The following DNAH11 variants were observed in gnomAD, a reference collection of about 807,000 sequenced individuals.
DNAH11 encodes axonemal beta dynein heavy chain 11.
DNAH11 carries 442 observed loss-of-function variants against 526.0 expected under a neutral mutation model. The ratio of observed to expected loss-of-function variants is 0.84; its 90% confidence interval spans 0.78 to 0.91. The LOEUF is 0.91. DNAH11 is among the 40% of genes least tolerant of loss of function. The pLI is 0.00. For missense variants in DNAH11, 6,989 were observed against 5,448.7 expected, an observed-to-expected ratio of 1.28 and a Z score of -8.90; for synonymous variants, 2,461 against 1,935.9, an observed-to-expected ratio of 1.27 and a Z score of -7.12.
intron 6 of DNAH11, among the ~76,000 whole-genome samples, chr7:21,568,893 C>G (rs1163147955): frequency 6.6e-6 from 1 of 152,122 alleles, no homozygotes; most frequent in African/African-American, 2.4e-5. Flanking sequence ...ATCAAAGTGT[C>G]AACTCTTTTA....
chr7:21,582,921 C>T (rs969741251), intron 9 of DNAH11, among the ~76,000 whole-genome samples: 11 of 152,160 alleles, frequency 7.2e-5, no homozygotes, highest in South Asian at 2.1e-4. Context: ...AAGACACCGG[C>T]GTTCTCTGGC....
At chr7:21,771,763 C>T (rs1043388834) in intron 55 of DNAH11, among the ~76,000 whole-genome samples, 3 of 152,092 alleles carry the variant, frequency 2.0e-5, no homozygotes, top group Non-Finnish European at 4.4e-5. Flanking sequence ...CCCCTCACGT[C>T]TCTCAAAGTG....
chr7:21,779,032 G>A lies in DNAH11; in HGVS notation c.9411G>A (p.Leu3137=), dbSNP rs775668376. Residue 3137 remains leucine (L), a synonymous_variant, in exon 57 of 82, where the codon CTG becomes CTA. Transcript: ENST00000409508. ...TGAGAAATCATGATGCCGAAGCTCT[G>A]ATCACAAAGATCGGCCTTCAGACGG... ...LQLRNHDAEA[L]ITKIGLQTEK... 6.2e-7 allele frequency: 1 copy of A among 1,613,464 alleles called. No homozygotes were observed. The highest frequency in any genetic ancestry group is 2.2e-5 in the East Asian group (1 of 44,816).
intron 30 of DNAH11, among the ~76,000 whole-genome samples, chr7:21,669,169 A>T (rs1782537449): frequency 6.6e-6 from 1 of 152,078 alleles, no homozygotes; most frequent in Non-Finnish European, 1.5e-5. Flanking sequence ...CCATTTTCAA[A>T]CAGTTGGGTG....
chr7:21,726,376 A>C (rs781399969), intron 45 of DNAH11, among the ~76,000 whole-genome samples: 2 of 152,140 alleles, frequency 1.3e-5, no homozygotes, highest in Non-Finnish European at 2.9e-5. Context: ...TGTGGATTAC[A>C]ATTCAACATG....
At chr7:21,892,335 T>C in intron 76 of DNAH11, 90 bp from the exon 77 acceptor site, 1 of 1,519,890 alleles carries the variant, frequency 6.6e-7, no homozygotes, top group East Asian at 2.3e-5. Context: ...TGCTGGAGCC[T>C]TCTTGTCAGG....
chr7:21,852,427 C>G, intron 66 of DNAH11, 40 bp from the exon 67 acceptor site: 3 of 1,129,514 alleles, frequency 2.7e-6, no homozygotes, highest in Non-Finnish European at 3.8e-6. Context: ...AAAAAAAGTA[C>G]TTAACCACCA....
At chr7:21,850,334 C>A (rs945216019) in intron 66 of DNAH11, among the ~76,000 whole-genome samples, 3 of 133,330 alleles carry the variant, frequency 2.3e-5, no homozygotes, top group Non-Finnish European at 4.7e-5. Flanking sequence ...CCAGCCTGGG[C>A]GACAGAGGAG....
chr7:21,800,213 T>A (rs1334802826), intron 61 of DNAH11, among the ~76,000 whole-genome samples: 1 of 152,166 alleles, frequency 6.6e-6, no homozygotes, highest in Non-Finnish European at 1.5e-5. Flanking sequence ...TTTCTCTGGT[T>A]TTTTCTGTGC....
chr7:21,600,926 A>T lies in DNAH11; in HGVS notation c.3251A>T (p.Glu1084Val). ...CCACCAACTCTTGAGCAATTCAAAG[A>T]ACAGGCAAGGAAAACCCTTAGCATT... ...EQPPTLEQFK[E>V]QIDIYEALYV... The change falls in exon 16 of 82, where the codon GAA becomes GTA. Residue 1084 changes from glutamate (E) to valine (V), a missense_variant. Glu to Val is a moderately radical substitution (Grantham distance 121, BLOSUM62 -2). Coordinates refer to ENST00000409508, the MANE Select transcript of DNAH11 (RefSeq NM_001277115.2). 6.2e-7 allele frequency: 1 copy of T among 1,613,630 alleles called. No homozygotes were observed. Among genetic ancestry groups the T allele is most frequent in the Non-Finnish European group, 8.5e-7 (1 of 1,179,694 alleles).
At chr7:21,741,565 C>T (rs901335601) in intron 48 of DNAH11, among the ~76,000 whole-genome samples, 3 of 152,182 alleles carry the variant, frequency 2.0e-5, no homozygotes, top group African/African-American at 7.2e-5. Context: ...CTGGGCTCAT[C>T]TGTGCATGTT....
chr7:21,865,214 C>G (rs1783226021), intron 70 of DNAH11, among the ~76,000 whole-genome samples: 1 of 152,158 alleles, frequency 6.6e-6, no homozygotes, highest in Non-Finnish European at 1.5e-5. Context: ...TCTGGAGTAT[C>G]TTAATGATGT....
rs779655850 is a variant in DNAH11 at position 21,854,294 on chromosome 7, T to A, written c.11062-21T>A. ...ATATGAAGAGTAAATAAGTTACTTA[T>A]TTTGTTTGATCCCACCATAGGTGAT... On this transcript the variant is annotated intron_variant, in intron 67 of 81. Transcript: ENST00000409508. 8.1e-6 allele frequency: 13 copies of A among 1,611,268 alleles called. No homozygotes were observed. The South Asian group carries it at 1.4e-4, about 18-fold the overall frequency.
chr7:21,659,925 G>C (rs919115194), intron 30 of DNAH11, among the ~76,000 whole-genome samples: 1 of 152,028 alleles, frequency 6.6e-6, no homozygotes, highest in South Asian at 2.1e-4. Context: ...ATCTTGCATA[G>C]CGACCACCCA....
In DNAH11 at chr7:21,728,325, T is replaced by C. The variant is rs543542535; in HGVS notation, c.7440+2341T>C. Among the ~76,000 whole-genome samples, 118 of 141,050 alleles carry C rather than the reference T, an allele frequency of 8.4e-4. 1 individual carries two copies. Among genetic ancestry groups the C allele is most frequent in the African/African-American group, 2.8e-3 (102 of 37,082 alleles). 92.5% of individuals were successfully genotyped at this position (141,050 alleles called of 152,430 possible). A position where few individuals can be genotyped will look rare whatever the true frequency, so the allele number is the denominator to read the frequency against. On this transcript the variant is annotated intron_variant, in intron 45 of 81. Coordinates refer to ENST00000409508, the MANE Select transcript of DNAH11 (RefSeq NM_001277115.2). ...CAGGCTGGAGTGCAGTGGTGCAATCTTGGCTCACTGCAACCTCAGCCTCCC... is the reference window on the plus strand; with the variant it reads ...CAGGCTGGAGTGCAGTGGTGCAATCCTGGCTCACTGCAACCTCAGCCTCCC...
chr7:21,603,532 G>A (rs1785172369), intron 18 of DNAH11, among the ~76,000 whole-genome samples: 1 of 152,144 alleles, frequency 6.6e-6, no homozygotes, highest in African/African-American at 2.4e-5. Context: ...TTTGCTTTGT[G>A]AGGATTAAAT....
chr7:21,752,915 T>C (rs567940128), intron 54 of DNAH11, among the ~76,000 whole-genome samples: 2 of 152,156 alleles, frequency 1.3e-5, no homozygotes, highest in Non-Finnish European at 2.9e-5. Flanking sequence ...GGTTTCACCA[T>C]GTTGGCCAGG....
chr7:21,676,517 G>A (rs941300787), intron 30 of DNAH11, among the ~76,000 whole-genome samples: 3 of 152,102 alleles, frequency 2.0e-5, no homozygotes, highest in Non-Finnish European at 4.4e-5. Flanking sequence ...TTACAAAAGA[G>A]TATCATCAGA....
chr7:21,789,867 C>G (rs1788395342), intron 61 of DNAH11, among the ~76,000 whole-genome samples: 1 of 68,974 alleles, frequency 1.4e-5, no homozygotes, highest in Admixed American at 1.7e-4. Flanking sequence ...TCCTTCCTTC[C>G]TTTTCTTTCT....
Sources: allele counts gnomAD v4.1 joint callset (sites outside exome capture counted in the v4.1 genomes callset), GRCh38; gene constraint gnomAD v4.1.1; transcripts MANE v1.5; gene names NCBI Gene and HGNC (gene_info 2026-07-23, HGNC 2026-07-21).